Variants in SETDB1 observed in about 807,000 individuals in gnomAD.
The protein encoded by SETDB1 is histone-lysine N-methyltransferase SETDB1.
Under a neutral mutation model 137.4 loss-of-function variants are expected in SETDB1, and 31 were observed. The observed-to-expected ratio is 0.23, with a 90% CI of 0.17 to 0.30. The LOEUF is 0.30. SETDB1 is among the 10% of genes least tolerant of loss of function. The pLI is 1.00. For synonymous variants in SETDB1, 548 were observed against 579.9 expected (o/e 0.95, Z 0.79); for missense variants, 1,113 against 1,631.5 (o/e 0.68, Z 5.47).
At chr1:150,944,520 T>G (rs1276694456) in intron 8 of SETDB1, among the ~76,000 whole-genome samples, 1 of 152,212 alleles carries the variant, frequency 6.6e-6, no homozygotes, top group Non-Finnish European at 1.5e-5. Context: ...AAACACATTC[T>G]GAGTCTCTTA....
intron 9 of SETDB1, chr1:150,945,339 A>AT: frequency 7.1e-7 from 1 of 1,408,920 alleles, no homozygotes; most frequent in Non-Finnish European, 9.3e-7. Flanking sequence ...GTTTTGATTT[A>AT]TTTATTTTTT....
intron 14 of SETDB1, among the ~76,000 whole-genome samples, chr1:150,953,663 T>C (rs1463857448): frequency 6.6e-6 from 1 of 151,824 alleles, no homozygotes; most frequent in African/African-American, 2.4e-5. Flanking sequence ...ACCCCATCTG[T>C]AATAAAAATA....
chr1:150,933,980 T>C (rs1000387792), intron 3 of SETDB1, among the ~76,000 whole-genome samples: 23 of 151,638 alleles, frequency 1.5e-4, no homozygotes, highest in African/African-American at 5.6e-4. Flanking sequence ...ACAGGGTTTC[T>C]CCATGTTGGT....
intron 2 of SETDB1, 164 bp downstream of exon 2, chr1:150,928,138 A>T (rs776100010): frequency 7.0e-6 from 5 of 717,072 alleles, no homozygotes; most frequent in Non-Finnish European, 1.1e-5. Flanking sequence ...GCTCACTGCA[A>T]CCTCCACCTC....
chr1:150,942,139 CAAAA>C (rs940063526), intron 5 of SETDB1, among the ~76,000 whole-genome samples: 1 of 85,982 alleles, frequency 1.2e-5, no homozygotes, highest in Non-Finnish European at 2.3e-5. Flanking sequence ...GACTCCATCT[CAAAA>C]AAAAAAAAAA....
At position 150,962,961 on chromosome 1, in the gene SETDB1, C is replaced by T. The variant is rs368478886; in HGVS notation, c.3295-13C>T. ...ATTTACTTCTCTTACTTCTTACCCT[C>T]CTGCTTCCCCAGGATGTCCTGACAC... is the stretch of plus-strand genomic sequence containing the variant. On this transcript the variant is annotated splice_polypyrimidine_tract_variant and intron_variant, in intron 18 of 21. Transcript: ENST00000692827. The T allele has an allele frequency of 4.3e-5, 69 of 1,611,720 alleles. No individual in the cohort carries two copies. The highest frequency in any genetic ancestry group is 5.4e-5 in the Non-Finnish European group (64 of 1,178,402).
At chr1:150,944,786 T>G (rs1449590697) in intron 8 of SETDB1, 132 bp from the exon 9 acceptor site, 1 of 943,998 alleles carries the variant, frequency 1.1e-6, no homozygotes, top group African/African-American at 1.7e-5. Context: ...TGGCTTTGCT[T>G]CCCTTGAGGT....
At chr1:150,943,870 G>T in intron 7 of SETDB1, 50 bp from the exon 8 acceptor site, 1 of 1,141,432 alleles carries the variant, frequency 8.8e-7, no homozygotes, top group African/African-American at 1.5e-5. Context: ...TGTGGATCAT[G>T]TTAAATATCA....
chr1:150,935,885 T>C (rs1669931010), intron 3 of SETDB1, among the ~76,000 whole-genome samples: 1 of 152,218 alleles, frequency 6.6e-6, no homozygotes, highest in Non-Finnish European at 1.5e-5. Flanking sequence ...CACACTTTCA[T>C]GTTTCTTTGC....
chr1:150,950,550 C>G lies in SETDB1; in HGVS notation c.1676C>G (p.Ala559Gly). ...GTCTTCCATGGCATGCTGGAGCGGG[C>G]CCCAGCAGAGCCCTCCTACCGTGCT... ...PPVFHGMLERAPAEPSYRAPM... is the reference protein window; with the variant it reads ...PPVFHGMLERGPAEPSYRAPM... The change falls in exon 13 of 22, where the codon GCC becomes GGC. Residue 559 changes from alanine (A) to glycine (G), a missense_variant. Transcript: ENST00000692827. 6.2e-7 allele frequency: 1 copy of G among 1,614,106 alleles called. No homozygotes were observed.
At chr1:150,933,640 G>A (rs139547451) in intron 3 of SETDB1, among the ~76,000 whole-genome samples, 10 of 151,956 alleles carry the variant, frequency 6.6e-5, no homozygotes, top group African/African-American at 2.4e-4. Flanking sequence ...GCCTCTCAAA[G>A]TGCTAGAATT....
chr1:150,948,971 G>A lies in SETDB1; in HGVS notation c.1268-151G>A, dbSNP rs905786531. The A allele has an allele frequency of 2.3e-5, 17 of 725,828 alleles. 1 individual carries two copies. The highest frequency in any genetic ancestry group is 1.4e-4 in the African/African-American group (8 of 56,292). 45.0% of individuals were successfully genotyped at this position (725,828 alleles called of 1,614,324 possible). On this transcript the variant is annotated intron_variant, in intron 10 of 21. Coordinates refer to ENST00000692827, the MANE Select transcript of SETDB1 (RefSeq NM_001366418.1). The stretch of plus-strand genomic sequence containing the variant: ...TGACCTCAAGCAACCTGCCCACTTC[G>A]GCCTCCCAAACTGCTGGGATTACAG...
chr1:150,926,809 G>C, intron 1 of SETDB1: 1 of 533,436 alleles, frequency 1.9e-6, no homozygotes, highest in Non-Finnish European at 3.8e-6. Context: ...TGGATATTAG[G>C]TACCCACGTT....
At chr1:150,941,305 T>A in intron 4 of SETDB1, 24 bp from the exon 5 acceptor site, 1 of 1,468,442 alleles carries the variant, frequency 6.8e-7, no homozygotes, top group South Asian at 1.2e-5. Flanking sequence ...TCAAAACTTG[T>A]TTTCCTCATC....
In SETDB1 at chr1:150,960,695, C is replaced by G; in HGVS notation, c.2636C>G (p.Ser879Cys). The G allele has an allele frequency of 6.2e-7, 1 of 1,612,104 alleles. No homozygotes were observed. The highest frequency in any genetic ancestry group is 8.5e-7 in the Non-Finnish European group (1 of 1,179,174). Residue 879 changes from serine (S) to cysteine (C), a missense_variant, in exon 16 of 22, where the codon TCT becomes TGT. Ser to Cys is a moderately radical substitution (Grantham distance 112). Around this residue, in one of 11 missense-constraint regions of SETDB1, gnomAD observed 373 missense variants for 412.7 expected, o/e 0.90. Transcript: ENST00000692827. ...EGYESDAPCS[S>C]DSSGVDLKDQ... ...TATGAGAGTGATGCCCCCTGTTCCT[C>G]TGACAGCAGTGGTGTAGACTTGAAG...
chr1:150,949,204 C>T lies in SETDB1; in HGVS notation c.1350C>T (p.Pro450=), dbSNP rs776141694. Residue 450 remains proline (P), a synonymous_variant, in exon 11 of 22, where the codon CCC becomes CCT. Coordinates refer to ENST00000692827, the MANE Select transcript of SETDB1 (RefSeq NM_001366418.1). ...GAACCCAGTTCAAGCCAGTGGAACC[C>T]CCACAGCCTACAGCTCCACCTGCCC... ...GTGTQFKPVE[P]PQPTAPPAPP... is the part of the protein sequence containing the mutation. 3.7e-6 allele frequency: 6 copies of T among 1,614,106 alleles called. No individual in the cohort carries two copies. In the South Asian group the frequency reaches 5.5e-5, roughly 15 times the overall value.
chr1:150,963,790 C>T, intron 20 of SETDB1, 49 bp downstream of exon 20: 5 of 1,570,914 alleles, frequency 3.2e-6, no homozygotes, highest in Non-Finnish European at 4.4e-6. Context: ...CCATGGTCCT[C>T]AGATTTCTTT....
chr1:150,944,952 C>G lies in SETDB1; in HGVS notation c.984C>G (p.Ser328=). 6.2e-7 allele frequency: 1 copy of G among 1,614,112 alleles called. No homozygotes were observed. Among genetic ancestry groups the G allele is most frequent in the Admixed American group, 1.7e-5 (1 of 59,996 alleles). The change falls in exon 9 of 22, where the codon TCC becomes TCG. Residue 328 remains serine, a synonymous_variant. Coordinates refer to ENST00000692827, the MANE Select transcript of SETDB1 (RefSeq NM_001366418.1). ...KKTWEDIEDI[S]CRDFIEEYVT... is the part of the protein sequence containing the mutation. Reference sequence around the variant, plus strand: ...CTTGGGAGGACATAGAAGACATCTCCTGCCGTGACTTCATAGAGGAGTATG... The same window carrying G: ...CTTGGGAGGACATAGAAGACATCTCGTGCCGTGACTTCATAGAGGAGTATG...
intron 14 of SETDB1, among the ~76,000 whole-genome samples, chr1:150,957,337 G>GA (rs993725561): frequency 1.3e-5 from 2 of 152,042 alleles, no homozygotes; most frequent in African/African-American, 4.8e-5. Context: ...GTCTCAAAAA[G>GA]AAAAAACACC....
Sources: allele counts gnomAD v4.1 joint callset (sites outside exome capture counted in the v4.1 genomes callset), GRCh38; gene constraint gnomAD v4.1.1; regional missense constraint gnomAD v4.1.1; transcripts MANE v1.5; gene names NCBI Gene and HGNC (gene_info 2026-07-23, HGNC 2026-07-21).